Variants in SCAPER observed in about 807,000 individuals in gnomAD.
The protein encoded by SCAPER is S-phase cyclin A associated protein in the ER.
A neutral mutation model predicts 182.2 loss-of-function variants in SCAPER; 98 were observed. The observed-to-expected ratio is 0.54, with a 90% CI of 0.46 to 0.64. The LOEUF is 0.64. Ranked by LOEUF, SCAPER falls within the 30% of genes least tolerant of loss-of-function variation. The pLI, the probability that SCAPER is intolerant of heterozygous loss-of-function variation, is 0.00. For missense variants in SCAPER, 1,432 were observed against 1,690.0 expected (o/e 0.85, Z 2.68); for synonymous variants, 605 against 564.6 (o/e 1.07, Z -1.01).
intron 5 of SCAPER, among the ~76,000 whole-genome samples, chr15:76,835,612 C>G (rs1334116029): frequency 1.3e-5 from 2 of 152,084 alleles, no homozygotes; most frequent in Admixed American, 1.3e-4. Flanking sequence ...AATGCTGAAA[C>G]TATTCCCCTT....
intron 23 of SCAPER, among the ~76,000 whole-genome samples, chr15:76,545,450 A>G (rs1446385511): frequency 6.6e-6 from 1 of 152,152 alleles, no homozygotes; most frequent in East Asian, 1.9e-4. Context: ...ATGCCGTTAT[A>G]GTGTACATGG....
At chr15:76,782,972 C>T (rs2064272680) in intron 8 of SCAPER, among the ~76,000 whole-genome samples, 1 of 152,078 alleles carries the variant, frequency 6.6e-6, no homozygotes, top group Non-Finnish European at 1.5e-5. Flanking sequence ...ATTAAAAGAA[C>T]TAGAGAAGCA....
chr15:76,708,612 T>C (rs539711380), intron 17 of SCAPER, among the ~76,000 whole-genome samples: 3 of 151,850 alleles, frequency 2.0e-5, no homozygotes, highest in South Asian at 2.1e-4. Context: ...AGGAAATAAA[T>C]GATAAACATC....
chr15:76,824,035 T>C (rs1289683511), intron 5 of SCAPER, among the ~76,000 whole-genome samples: 2 of 152,328 alleles, frequency 1.3e-5, no homozygotes, highest in African/African-American at 4.8e-5. Context: ...TAACTCAATG[T>C]TATCAAAAAT....
intron 24 of SCAPER, among the ~76,000 whole-genome samples, chr15:76,491,288 A>G (rs1169868344): frequency 1.3e-5 from 2 of 152,142 alleles, no homozygotes; most frequent in South Asian, 2.1e-4. Context: ...TTGCTGTTAC[A>G]TTTATTGCTG....
Position 76,771,968 on chromosome 15 carries a change from G to C in SCAPER, c.1036-14C>G. ...ACTCACTGTGAACTAACAAAACGTA[G>C]AGAATGAATCAGAGATAATTAAAAA... On this transcript the variant is annotated splice_polypyrimidine_tract_variant and intron_variant, in intron 9 of 31. Transcript: ENST00000563290. 6.3e-7 allele frequency: 1 copy of C among 1,577,810 alleles called. No homozygotes were observed. The highest frequency in any genetic ancestry group is 8.7e-7 in the Non-Finnish European group (1 of 1,154,374).
At chr15:76,562,974 C>G (rs908476453) in intron 23 of SCAPER, among the ~76,000 whole-genome samples, 1 of 152,132 alleles carries the variant, frequency 6.6e-6, no homozygotes, top group Non-Finnish European at 1.5e-5. Context: ...AAAATGCAGA[C>G]AGTAGGATTC....
chr15:76,401,430 T>C (rs561015372), intron 27 of SCAPER, among the ~76,000 whole-genome samples: 53 of 152,340 alleles, frequency 3.5e-4, no homozygotes, highest in Middle Eastern at 3.4e-3. Context: ...CATGTCTCAG[T>C]TGGATTATGC....
intron 22 of SCAPER, among the ~76,000 whole-genome samples, chr15:76,605,377 T>G (rs1430521310): frequency 2.0e-5 from 3 of 152,154 alleles, no homozygotes; most frequent in Non-Finnish European, 4.4e-5. Context: ...TGAATCCCAC[T>G]TGATCGTGGT....
At chr15:76,666,516 C>T (rs1330500270) in intron 20 of SCAPER, among the ~76,000 whole-genome samples, 1 of 152,110 alleles carries the variant, frequency 6.6e-6, no homozygotes, top group East Asian at 1.9e-4. Context: ...GGCAAAATCC[C>T]AATCCTAAAT....
intron 15 of SCAPER, among the ~76,000 whole-genome samples, chr15:76,741,796 G>C (rs2061553608): frequency 6.6e-6 from 1 of 152,146 alleles, no homozygotes; most frequent in South Asian, 2.1e-4. Flanking sequence ...ATGGAATTCA[G>C]TAAAGCAGTT....
intron 15 of SCAPER, among the ~76,000 whole-genome samples, chr15:76,734,842 A>T (rs533783331): frequency 1.3e-5 from 2 of 152,028 alleles, no homozygotes; most frequent in African/African-American, 4.8e-5. Flanking sequence ...ACTGCACTGC[A>T]CTCCAGCCTG....
intron 21 of SCAPER, among the ~76,000 whole-genome samples, chr15:76,662,962 T>C (rs1024108375): frequency 3.9e-5 from 6 of 152,008 alleles, no homozygotes; most frequent in South Asian, 2.1e-4. Flanking sequence ...TGATAAAGCA[T>C]ATATCATTAA....
intron 17 of SCAPER, among the ~76,000 whole-genome samples, chr15:76,728,156 G>C (rs1182654593): frequency 6.7e-6 from 1 of 149,096 alleles, no homozygotes. Flanking sequence ...AAAACTAAGG[G>C]ATAATTGAAG....
In SCAPER at chr15:76,840,736, T is replaced by C. The variant is rs552081638; in HGVS notation, c.393+998A>G. On this transcript the variant is annotated intron_variant, in intron 5 of 31. Transcript: ENST00000563290. ...ATATTTCTGTAAACATGTATCACTC[T>C]GGTTTTCCTCAAAATAGTTTTATTC... Among the ~76,000 whole-genome samples the C allele has an allele frequency of 9.8e-5, 15 of 152,360 alleles. 1 individual carries two copies. In the South Asian group the frequency reaches 2.9e-3, roughly 29 times the overall value.
chr15:76,529,312 A>T (rs1228207486), intron 23 of SCAPER, among the ~76,000 whole-genome samples: 1 of 152,168 alleles, frequency 6.6e-6, no homozygotes, highest in East Asian at 1.9e-4. Flanking sequence ...TCCCAAAGTG[A>T]TGGGAATACA....
chr15:76,634,843 G>A (rs529342258), intron 21 of SCAPER, among the ~76,000 whole-genome samples: 8 of 139,072 alleles, frequency 5.8e-5, no homozygotes, highest in African/African-American at 2.1e-4. Flanking sequence ...AAAATTGGGT[G>A]TGGGTATTTG....
intron 14 of SCAPER, among the ~76,000 whole-genome samples, chr15:76,760,377 C>A (rs537100122): frequency 6.6e-6 from 1 of 152,180 alleles, no homozygotes; most frequent in Admixed American, 6.5e-5. Flanking sequence ...TTAAAGGATG[C>A]AGATAAACAG....
intron 6 of SCAPER, among the ~76,000 whole-genome samples, chr15:76,800,914 T>C (rs928565653): frequency 6.6e-6 from 1 of 152,206 alleles, no homozygotes; most frequent in Non-Finnish European, 1.5e-5. Context: ...CTACTCCTCC[T>C]CCTTCCTTGG....
Sources: allele counts gnomAD v4.1 joint callset (sites outside exome capture counted in the v4.1 genomes callset), GRCh38; gene constraint gnomAD v4.1.1; transcripts MANE v1.5; gene names NCBI Gene and HGNC (gene_info 2026-07-23, HGNC 2026-07-21).